PTPRD: variants seen among roughly 807,000 people sequenced by gnomAD.
The protein encoded by PTPRD is receptor-type tyrosine-protein phosphatase delta.
In PTPRD, 34 loss-of-function variants were observed where a neutral mutation model predicts 214.5. The ratio of observed to expected loss-of-function variants is 0.16; its 90% CI spans 0.12 to 0.21. PTPRD has a LOEUF of 0.21. PTPRD is among the 10% of genes least tolerant of loss of function. The probability of loss-of-function intolerance (pLI) is 1.00; values close to 1 mark genes in which losing one functional copy is unlikely to be tolerated. For synonymous variants in PTPRD, 1,128 were observed against 845.7 expected (o/e 1.33, Z -5.79); for missense variants, 2,545 against 2,398.7 (o/e 1.06, Z -1.27).
intron 34 of PTPRD, among the ~76,000 whole-genome samples, chr9:8,440,323 T>C (rs1010444750): frequency 2.0e-5 from 3 of 151,840 alleles, no homozygotes; most frequent in Non-Finnish European, 4.4e-5. Flanking sequence ...TGTATTATTT[T>C]TTTTTTTTTT....
chr9:8,690,371 T>C (rs886598683), intron 12 of PTPRD, among the ~76,000 whole-genome samples: 3 of 151,270 alleles, frequency 2.0e-5, no homozygotes, highest in South Asian at 2.1e-4. Flanking sequence ...ACTAAAAATA[T>C]AAAAAATTAG....
intron 3 of PTPRD, among the ~76,000 whole-genome samples, chr9:10,099,811 T>C (rs1164844677): frequency 6.6e-6 from 1 of 151,584 alleles, no homozygotes; most frequent in East Asian, 1.9e-4. Flanking sequence ...TAAAAGAAGA[T>C]TGGGTAAGAT....
intron 9 of PTPRD, among the ~76,000 whole-genome samples, chr9:9,208,604 G>A (rs1478372131): frequency 6.6e-6 from 1 of 151,786 alleles, no homozygotes; most frequent in Non-Finnish European, 1.5e-5. Flanking sequence ...GAAAATAAGG[G>A]GAACATACCA....
chr9:10,197,123 T>A (rs2099401417), intron 3 of PTPRD, among the ~76,000 whole-genome samples: 1 of 152,104 alleles, frequency 6.6e-6, no homozygotes, highest in Non-Finnish European at 1.5e-5. Flanking sequence ...TAAAACTGTG[T>A]CGTGTTGCCA....
At chr9:9,194,134 C>A (rs1593291016) in intron 9 of PTPRD, among the ~76,000 whole-genome samples, 1 of 152,074 alleles carries the variant, frequency 6.6e-6, no homozygotes, top group Non-Finnish European at 1.5e-5. Context: ...TCAGGATCAT[C>A]AGTATCACTG....
At chr9:9,302,885 C>A (rs1955931128) in intron 9 of PTPRD, among the ~76,000 whole-genome samples, 1 of 151,940 alleles carries the variant, frequency 6.6e-6, no homozygotes, top group South Asian at 2.1e-4. Flanking sequence ...AACTCTTCTG[C>A]AAATCTCTAG....
At chr9:9,833,742 TGC>T (rs1229424889) in intron 5 of PTPRD, among the ~76,000 whole-genome samples, 1 of 151,064 alleles carries the variant, frequency 6.6e-6, no homozygotes, top group Non-Finnish European at 1.5e-5. Flanking sequence ...GGACGTTCCA[TGC>T]TGAGAAAAAG....
intron 7 of PTPRD, among the ~76,000 whole-genome samples, chr9:9,678,646 G>A (rs1219867942): frequency 6.6e-6 from 1 of 151,772 alleles, no homozygotes; most frequent in Non-Finnish European, 1.5e-5. Flanking sequence ...TCAGGGTTCT[G>A]TCTCGCCATG....
At chr9:9,885,809 G>T (rs993374706) in intron 5 of PTPRD, among the ~76,000 whole-genome samples, 1 of 151,774 alleles carries the variant, frequency 6.6e-6, no homozygotes, top group Admixed American at 6.6e-5. Flanking sequence ...TAGTAATTTT[G>T]TATGCTTTGT....
chr9:9,928,975 T>A (rs1283711206), intron 5 of PTPRD, among the ~76,000 whole-genome samples: 1 of 152,208 alleles, frequency 6.6e-6, no homozygotes. Flanking sequence ...AAATAGAGAC[T>A]ATTTAGAACA....
chr9:9,683,660 T>G (rs1021852962), intron 7 of PTPRD, among the ~76,000 whole-genome samples: 3 of 151,632 alleles, frequency 2.0e-5, no homozygotes. Flanking sequence ...ATGCTGCATT[T>G]TAGTATTAGA....
intron 9 of PTPRD, among the ~76,000 whole-genome samples, chr9:9,387,291 G>C (rs1194622326): frequency 6.6e-6 from 1 of 152,144 alleles, no homozygotes; most frequent in African/African-American, 2.4e-5. Flanking sequence ...CAGATTTGTT[G>C]AGAGAATTTC....
intron 9 of PTPRD, among the ~76,000 whole-genome samples, chr9:9,185,654 T>C (rs73641230): frequency 2.6e-5 from 4 of 152,194 alleles, no homozygotes; most frequent in African/African-American, 9.6e-5. Context: ...TGATCTGAAG[T>C]AGAAAATCCT....
At chr9:8,329,314 A>T (rs538151204) in intron 44 of PTPRD, among the ~76,000 whole-genome samples, 1 of 152,180 alleles carries the variant, frequency 6.6e-6, no homozygotes, top group South Asian at 2.1e-4. Context: ...TCTATTCCAG[A>T]CGCTGTTTGC....
chr9:10,240,203 A>G (rs1294121935), intron 3 of PTPRD, among the ~76,000 whole-genome samples: 27 of 152,030 alleles, frequency 1.8e-4, no homozygotes. Flanking sequence ...TATACTTCAT[A>G]TAACCTAAAT....
At position 9,962,680 on chromosome 9, in the gene PTPRD, G is replaced by A. The variant is rs111652391; in HGVS notation, c.-471-24070C>T. On this transcript the variant is annotated intron_variant, in intron 4 of 45. Coordinates refer to ENST00000381196, the MANE Select transcript of PTPRD (RefSeq NM_002839.4). ...CCATCCACCTTTTATACTTCTTTTC[G>A]TATGGTCTAATTGTTGTATGTATCT... is the stretch of plus-strand genomic sequence containing the variant. 9.3e-3 allele frequency among the ~76,000 whole-genome samples: 1,411 copies of A among 151,922 alleles called. 20 individuals are homozygous for A. The highest frequency in any genetic ancestry group is 0.031 in the African/African-American group (1,295 of 41,428).
intron 11 of PTPRD, among the ~76,000 whole-genome samples, chr9:8,819,449 G>C (rs1303463332): frequency 6.6e-6 from 1 of 152,080 alleles, no homozygotes; most frequent in Non-Finnish European, 1.5e-5. Flanking sequence ...GATCACCTGA[G>C]GTCAGGATTC....
At chr9:10,105,237 A>G (rs997936793) in intron 3 of PTPRD, among the ~76,000 whole-genome samples, 3 of 151,838 alleles carry the variant, frequency 2.0e-5, no homozygotes, top group African/African-American at 7.2e-5. Flanking sequence ...AGGGATTAAA[A>G]TTAGTCAACG....
intron 3 of PTPRD, among the ~76,000 whole-genome samples, chr9:10,186,350 G>C (rs1564395674): frequency 6.6e-6 from 1 of 151,898 alleles, no homozygotes; most frequent in Non-Finnish European, 1.5e-5. Context: ...TAAATATTTT[G>C]CAATCTTGTT....
Sources: allele counts gnomAD v4.1 joint callset (sites outside exome capture counted in the v4.1 genomes callset), GRCh38; gene constraint gnomAD v4.1.1; transcripts MANE v1.5; gene names NCBI Gene and HGNC (gene_info 2026-07-23, HGNC 2026-07-21).